Variants in KCNN3 observed in about 807,000 individuals in gnomAD.
KCNN3 encodes the protein potassium calcium-activated channel subfamily N member 3.
In KCNN3, 16 loss-of-function variants were observed where a neutral mutation model predicts 62.9. That is an observed-to-expected ratio of 0.25 (90% CI 0.17 to 0.39). The LOEUF (loss-of-function observed/expected upper bound fraction) is 0.39. KCNN3 is among the 10% of genes least tolerant of loss of function. KCNN3 has a pLI of 1.00. For synonymous variants in KCNN3, 370 were observed against 389.2 expected (o/e 0.95, Z 0.58); for missense variants, 599 against 949.4 (o/e 0.63, Z 4.85).
chr1:154,785,578 T>C (rs397777698), intron 2 of KCNN3, among the ~76,000 whole-genome samples: 32,541 of 134,144 alleles, frequency 0.24, 4,163 homozygotes, highest in East Asian at 0.39. Flanking sequence ...TTTTCTTTTT[T>C]TTTTTTTTTT....
At chr1:154,828,492 T>G (rs766565985) in intron 1 of KCNN3, among the ~76,000 whole-genome samples, 1 of 152,148 alleles carries the variant, frequency 6.6e-6, no homozygotes, top group Non-Finnish European at 1.5e-5. Flanking sequence ...ATGGGGGGGC[T>G]AACGAAGATG....
chr1:154,825,812 G>A (rs990950106), intron 1 of KCNN3, among the ~76,000 whole-genome samples: 1 of 151,492 alleles, frequency 6.6e-6, no homozygotes, highest in African/African-American at 2.4e-5. Flanking sequence ...ACTTTGGGAG[G>A]CCGAGGTGGG....
At chr1:154,852,914 C>A (rs1652362855) in intron 1 of KCNN3, among the ~76,000 whole-genome samples, 1 of 152,276 alleles carries the variant, frequency 6.6e-6, no homozygotes, top group East Asian at 1.9e-4. Flanking sequence ...GTGGCTGGAT[C>A]CCTCACCACT....
intron 3 of KCNN3, among the ~76,000 whole-genome samples, chr1:154,766,448 A>ATATAT (rs1553232017): frequency 7.8e-5 from 10 of 128,898 alleles, no homozygotes; most frequent in African/African-American, 1.1e-4. Flanking sequence ...ATATATGTAG[A>ATATAT]AGTTCTGATC....
chr1:154,830,122 G>T (rs1056071447), intron 1 of KCNN3, among the ~76,000 whole-genome samples: 1 of 152,200 alleles, frequency 6.6e-6, no homozygotes, highest in Non-Finnish European at 1.5e-5. Context: ...CAAGCAGGTA[G>T]ACACTTCCAT....
chr1:154,826,828 C>T (rs1651154154), intron 1 of KCNN3, among the ~76,000 whole-genome samples: 2 of 152,126 alleles, frequency 1.3e-5, no homozygotes, highest in Non-Finnish European at 2.9e-5. Flanking sequence ...TGGGTCATCG[C>T]AAAAAGGAGA....
At position 154,700,480 on chromosome 1, in the gene KCNN3, G is replaced by C. The variant is rs1053538312; in HGVS notation, c.*7496C>G. ...CAGAATATATTTGCTCTTTATAAATGTAAGTCTTGGTCTGAGCAGTGTTAG... is the reference window on the plus strand; with the variant it reads ...CAGAATATATTTGCTCTTTATAAATCTAAGTCTTGGTCTGAGCAGTGTTAG... On this transcript the variant is annotated 3_prime_UTR_variant, in exon 8 of 8. Coordinates refer to ENST00000271915, the MANE Select transcript of KCNN3 (RefSeq NM_002249.6). 7 of 152,218 alleles carry C rather than the reference G, an allele frequency of 4.6e-5. No individual in the cohort carries two copies. The highest frequency in any genetic ancestry group is 7.3e-5 in the Non-Finnish European group (5 of 68,028). 9.4% of individuals were successfully genotyped at this position (152,218 alleles called of 1,614,324 possible). A position where few individuals can be genotyped will look rare whatever the true frequency, so the allele number is the denominator to read the frequency against.
At chr1:154,765,336 C>T (rs1320511923) in intron 3 of KCNN3, among the ~76,000 whole-genome samples, 13 of 152,178 alleles carry the variant, frequency 8.5e-5, no homozygotes, top group African/African-American at 3.1e-4. Context: ...TCTTAGATTT[C>T]ACCTGGATCC....
intron 5 of KCNN3, among the ~76,000 whole-genome samples, chr1:154,719,620 G>A (rs1700303719): frequency 6.6e-6 from 1 of 152,162 alleles, no homozygotes; most frequent in Non-Finnish European, 1.5e-5. Context: ...ATTAGGCTGA[G>A]TGATGATCAG....
intron 3 of KCNN3, among the ~76,000 whole-genome samples, chr1:154,768,131 C>T (rs1571256172): frequency 1.3e-5 from 2 of 152,142 alleles, no homozygotes; most frequent in Non-Finnish European, 2.9e-5. Flanking sequence ...TCTCTGATGC[C>T]TAAGGTGATA....
Position 154,715,529 on chromosome 1 carries a change from GTCTT to G in KCNN3, c.1702-530_1702-527del, listed in dbSNP as rs1024390345. Among the ~76,000 whole-genome samples the G allele has an allele frequency of 2.9e-4, 44 of 151,490 alleles. No individual in the cohort carries two copies. In the East Asian group the frequency reaches 4.4e-3, roughly 15 times the overall value. On this transcript the variant is annotated intron_variant, in intron 5 of 7. Transcript: ENST00000271915. ...GCAGACCAGAGCTTGAAGTTGGAGG[GTCTT>G]TCTTTCTTTCTTTCTCTTTCTTTCT...
Position 154,792,993 on chromosome 1 carries a change from T to G in KCNN3, c.1030-20600A>C, listed in dbSNP as rs112865760. On this transcript the variant is annotated intron_variant, in intron 2 of 7. Transcript: ENST00000271915. ...CCAGAGAAAGGGGAGTTCCTTTAGT[T>G]GTGGTCCTCGGTTCTGTACCAAGAG... 3.6e-3 allele frequency among the ~76,000 whole-genome samples: 553 copies of G among 152,316 alleles called. 3 individuals carry two copies. The highest frequency in any genetic ancestry group is 0.013 in the African/African-American group (526 of 41,556).
At chr1:154,769,247 T>C (rs1648440902) in intron 3 of KCNN3, among the ~76,000 whole-genome samples, 1 of 152,166 alleles carries the variant, frequency 6.6e-6, no homozygotes, top group African/African-American at 2.4e-5. Flanking sequence ...ATATGGATTT[T>C]ACACAGAACT....
rs193024580 is a variant in KCNN3, at chr1:154,778,163, G to A, written c.1030-5770C>T. ...TAACTGGTGGTTCTGAGAACTTGCC[G>A]GATTTTCAGCCGTTAGTATAATTCT... On this transcript the variant is annotated intron_variant, in intron 2 of 7. Transcript: ENST00000271915. Among the ~76,000 whole-genome samples the A allele has an allele frequency of 6.6e-4, 100 of 152,254 alleles. 1 individual carries two copies. Among genetic ancestry groups the A allele is most frequent in the African/African-American group, 2.2e-3 (91 of 41,548 alleles).
intron 1 of KCNN3, among the ~76,000 whole-genome samples, chr1:154,866,666 T>C (rs946933364): frequency 4.6e-5 from 7 of 152,202 alleles, no homozygotes; most frequent in African/African-American, 1.4e-4. Context: ...GCAAGTTAAA[T>C]GAGCTCTGCT....
At chr1:154,833,427 G>T (rs1053379635) in intron 1 of KCNN3, among the ~76,000 whole-genome samples, 1 of 152,110 alleles carries the variant, frequency 6.6e-6, no homozygotes, top group African/African-American at 2.4e-5. Flanking sequence ...CAGGCTTCCC[G>T]GAGTTGCCAG....
rs3831942 is a variant in KCNN3, at chr1:154,869,723, GGCTGCTGCTGCT to G, written c.230_241del (p.Gln77_Gln80del). The G allele has an allele frequency of 6.9e-4, 1,045 of 1,506,500 alleles. No individual in the cohort carries two copies. Among genetic ancestry groups the G allele is most frequent in the East Asian group, 5.0e-3 (200 of 40,182 alleles). 93.3% of individuals were successfully genotyped at this position (1,506,500 alleles called of 1,614,324 possible). On this transcript the variant is annotated inframe_deletion, in exon 1 of 8. Coordinates refer to ENST00000271915, the MANE Select transcript of KCNN3 (RefSeq NM_002249.6). The surrounding 1 kb of genome is among the most constrained non-coding windows in gnomAD (Gnocchi z 6.1). ...GGCGAGCTGAGACAGGGGATGCGGTGGCTGCTGCTGCTGCTGCTGCTGCTGCTGCTGCTGCTG... is the reference window on the plus strand; with the variant it reads ...GGCGAGCTGAGACAGGGGATGCGGTGGCTGCTGCTGCTGCTGCTGCTGCTG...
chr1:154,730,414 G>T (rs1409630509), intron 4 of KCNN3, among the ~76,000 whole-genome samples: 1 of 152,148 alleles, frequency 6.6e-6, no homozygotes, highest in Admixed American at 6.5e-5. Flanking sequence ...TGGTGTCCAT[G>T]GTAACCAAAC....
chr1:154,829,754 G>C (rs542861591), intron 1 of KCNN3, among the ~76,000 whole-genome samples: 1 of 152,058 alleles, frequency 6.6e-6, no homozygotes, highest in Non-Finnish European at 1.5e-5. Context: ...ACCCACCATC[G>C]AAGCTGGGAG....
Sources: gnomAD v4.1 joint callset for allele counts (sites outside exome capture counted in the v4.1 genomes callset) on GRCh38, gnomAD v4.1.1 for gene constraint, Gnocchi (gnomAD v3.1) non-coding constraint, MANE v1.5 for transcripts, NCBI Gene and HGNC (gene_info 2026-07-23, HGNC 2026-07-21) for gene names.